The following TRIM4 variants were observed in gnomAD, a reference collection of about 807,000 sequenced individuals.
TRIM4 encodes the protein E3 ubiquitin-protein ligase TRIM4.
A neutral mutation model predicts 33.7 loss-of-function variants in TRIM4; 29 were observed. The observed-to-expected ratio is 0.86, with a 90% CI of 0.64 to 1.17. The LOEUF (loss-of-function observed/expected upper bound fraction) is 1.17, where lower values mean the gene tolerates loss of function less well. Among genes scored for constraint, TRIM4 ranks in the 50% most tolerant of loss-of-function variants. The probability of loss-of-function intolerance (pLI) is 0.00; values close to 1 mark genes in which losing one functional copy is unlikely to be tolerated. For missense variants in TRIM4, 554 were observed against 593.7 expected, an observed-to-expected ratio of 0.93 and a Z score of 0.69; for synonymous variants, 224 against 233.0, an observed-to-expected ratio of 0.96 and a Z score of 0.35.
chr7:99,903,457 CAG>C, intron 4 of TRIM4, 117 bp downstream of exon 4: 1 of 1,423,066 alleles, frequency 7.0e-7, no homozygotes, highest in Non-Finnish European at 9.8e-7. Flanking sequence ...AATTTTTCCT[CAG>C]ACCCCCATTA....
At chr7:99,901,895 A>G in intron 5 of TRIM4, 1 of 558,528 alleles carries the variant, frequency 1.8e-6, no homozygotes. Flanking sequence ...TCTCCGCTCC[A>G]GGATACTGCC....
chr7:99,913,157 T>C (rs908894004), intron 1 of TRIM4, among the ~76,000 whole-genome samples: 6 of 152,200 alleles, frequency 3.9e-5, no homozygotes, highest in African/African-American at 1.4e-4. Flanking sequence ...AACAAGTCAG[T>C]ATGCATGAAT....
intron 1 of TRIM4, among the ~76,000 whole-genome samples, chr7:99,917,200 T>A (rs952737216): frequency 1.3e-5 from 2 of 152,170 alleles, no homozygotes; most frequent in Admixed American, 1.3e-4. Context: ...AAATTAATGT[T>A]GTACACGCTT....
chr7:99,910,745 T>C (rs1384407091), intron 1 of TRIM4, among the ~76,000 whole-genome samples: 1 of 152,244 alleles, frequency 6.6e-6, no homozygotes, highest in African/African-American at 2.4e-5. Flanking sequence ...GCATATGCCA[T>C]TTTTGTAATT....
intron 5 of TRIM4, among the ~76,000 whole-genome samples, chr7:99,897,131 T>A (rs568597875): frequency 6.6e-6 from 1 of 152,152 alleles, no homozygotes; most frequent in Non-Finnish European, 1.5e-5. Flanking sequence ...GAACCCTAAG[T>A]CCTGGGACCC....
intron 5 of TRIM4, among the ~76,000 whole-genome samples, chr7:99,897,864 G>A (rs1443354491): frequency 6.6e-6 from 1 of 152,204 alleles, no homozygotes; most frequent in African/African-American, 2.4e-5. Flanking sequence ...CTCTCAGAAT[G>A]ACACAACTTC....
intron 2 of TRIM4, among the ~76,000 whole-genome samples, chr7:99,909,233 A>G (rs1388633002): frequency 5.9e-5 from 9 of 151,920 alleles, no homozygotes; most frequent in Non-Finnish European, 1.5e-5. Context: ...CCTAGGGAGT[A>G]TATTTAGGAA....
intron 1 of TRIM4, among the ~76,000 whole-genome samples, chr7:99,917,134 C>T (rs775331530): frequency 1.3e-5 from 2 of 152,218 alleles, no homozygotes; most frequent in African/African-American, 4.8e-5. Flanking sequence ...GTGATCACTC[C>T]GACCTCAGAC....
At chr7:99,909,737 T>G (rs977560270) in intron 1 of TRIM4, 77 bp from the exon 2 acceptor site, 102 of 1,232,984 alleles carry the variant, frequency 8.3e-5, no homozygotes, top group South Asian at 1.5e-4. Context: ...TTGTTTTTTT[T>G]TTTTTTTTTT....
intron 1 of TRIM4, among the ~76,000 whole-genome samples, chr7:99,915,048 G>A (rs781257141): frequency 1.2e-4 from 18 of 151,978 alleles, no homozygotes; most frequent in Non-Finnish European, 2.4e-4. Context: ...GACCTCAAGG[G>A]ATCCTCGCGT....
chr7:99,914,756 T>C (rs1361971604), intron 1 of TRIM4, among the ~76,000 whole-genome samples: 1 of 152,142 alleles, frequency 6.6e-6, no homozygotes, highest in African/African-American at 2.4e-5. Flanking sequence ...CAATGTCACC[T>C]CCTAAGAGAA....
chr7:99,907,640 G>A (rs948830378), intron 3 of TRIM4, among the ~76,000 whole-genome samples: 1 of 152,078 alleles, frequency 6.6e-6, no homozygotes, highest in African/African-American at 2.4e-5. Context: ...CATAATTCTT[G>A]GAAGTCATTA....
In TRIM4 at chr7:99,892,066, A is replaced by G; in HGVS notation, c.*97T>C. The G allele has an allele frequency of 8.9e-7, 1 of 1,121,940 alleles. No homozygotes were observed. 69.5% of individuals were successfully genotyped at this position (1,121,940 alleles called of 1,614,324 possible). A position where few individuals can be genotyped will look rare whatever the true frequency, so the allele number is the denominator to read the frequency against. ...GTTAGGGAGACCCAGAAGATGGACC[A>G]TCCAGGATAGAGACATGAAGGGCAG... On this transcript the variant is annotated 3_prime_UTR_variant, in exon 6 of 6. Coordinates refer to ENST00000349062, the MANE Select transcript of TRIM4 (RefSeq NM_033091.3).
intron 1 of TRIM4, 69 bp from the exon 2 acceptor site, chr7:99,909,729 G>GTTTTTTTTTTTTTTTTTT: frequency 1.4e-6 from 1 of 723,230 alleles, no homozygotes; most frequent in Non-Finnish European, 2.0e-6. Context: ...TTTTCTTTTT[G>GTTTTTTTTTTTTTTTTTT]TTTTTTTTTT....
chr7:99,904,253 A>T (rs1404405489), intron 3 of TRIM4, among the ~76,000 whole-genome samples: 5 of 152,204 alleles, frequency 3.3e-5, no homozygotes, highest in Non-Finnish European at 7.3e-5. Context: ...ACGTGTATTT[A>T]AAAAATACAG....
At chr7:99,915,512 T>C (rs1373152573) in intron 1 of TRIM4, among the ~76,000 whole-genome samples, 1 of 152,150 alleles carries the variant, frequency 6.6e-6, no homozygotes, top group East Asian at 1.9e-4. Flanking sequence ...TTTCCATGGA[T>C]TTAGGGAACT....
chr7:99,900,737 T>TAACAGTTTTTTTCTTTCA (rs1819144896), intron 5 of TRIM4, among the ~76,000 whole-genome samples: 1 of 152,212 alleles, frequency 6.6e-6, no homozygotes, highest in African/African-American at 2.4e-5. Flanking sequence ...AACTCTAGGT[T>TAACAGTTTTTTTCTTTCA]AACAGTTTTT....
chr7:99,902,031 C>G, intron 5 of TRIM4: 1 of 731,066 alleles, frequency 1.4e-6, no homozygotes, highest in Non-Finnish European at 2.5e-6. Flanking sequence ...CTCCCTCAGG[C>G]AGAGGGTAGG....
At chr7:99,893,322 A>G (rs1323496114) in intron 5 of TRIM4, among the ~76,000 whole-genome samples, 1 of 150,676 alleles carries the variant, frequency 6.6e-6, no homozygotes, top group Non-Finnish European at 1.5e-5. Context: ...TCATGCCCCA[A>G]GTTTTCACAA....
Sources: allele counts gnomAD v4.1 joint callset (sites outside exome capture counted in the v4.1 genomes callset), GRCh38; gene constraint gnomAD v4.1.1; transcripts MANE v1.5; gene names NCBI Gene and HGNC (gene_info 2026-07-23, HGNC 2026-07-21).